GALNT9: variants seen among roughly 807,000 people sequenced by gnomAD.
The protein encoded by GALNT9 is polypeptide N-acetylgalactosaminyltransferase 9.
In GALNT9, 47 loss-of-function variants were observed where a neutral mutation model predicts 63.1. That is an observed-to-expected ratio of 0.75 (90% CI 0.59 to 0.95). The LOEUF is 0.95. Ranked by LOEUF, GALNT9 falls within the 40% of genes least tolerant of loss-of-function variation. The pLI is 0.00. For missense variants in GALNT9, 829 were observed against 874.8 expected, an observed-to-expected ratio of 0.95 and a Z score of 0.66; for synonymous variants, 396 against 365.7, an observed-to-expected ratio of 1.08 and a Z score of -0.94.
rs1357146061 is a variant in GALNT9 at position 132,262,612 on chromosome 12, T to C, written c.433A>G (p.Ser145Gly). 8 of 1,547,104 alleles carry C rather than the reference T, an allele frequency of 5.2e-6. No homozygotes were observed. The highest frequency in any genetic ancestry group is 7.0e-6 in the Non-Finnish European group (8 of 1,145,864). Residue 145 changes from serine (S) to glycine (G), a missense_variant, in exon 3 of 11, where the codon AGC becomes GGC. Physicochemically the swap from Ser to Gly is moderately conservative, Grantham distance 56 (BLOSUM62 0). Transcript: ENST00000328957. ...ACCTGGGGCAGGTCCTGGGCGTAGC[T>C]CATCTGTCTGCACCTGCAGGAAACA... ...DYRPRKCRQM[S>G]YAQDLPQVSV... is the part of the protein sequence containing the mutation.
chr12:132,199,233 G>A lies in GALNT9; in HGVS notation c.1438C>T (p.Gln480Ter). ...NSKASAYCLD[Q>*]GAEDGDRAIL... Reference sequence around the variant, plus strand: ...GCCCGGTCGCCGTCCTCCGCTCCCTGGTCCAGACAGTAGGCACTGGCTTTG... The same window carrying A: ...GCCCGGTCGCCGTCCTCCGCTCCCTAGTCCAGACAGTAGGCACTGGCTTTG... Residue 480 changes from glutamine (Q) to a stop codon, truncating the protein, a stop_gained, in exon 9 of 11, where the codon CAG (glutamine) becomes TAG (stop). Transcript: ENST00000328957. LOFTEE classifies it high-confidence loss of function. 1.2e-6 allele frequency: 2 copies of A among 1,605,114 alleles called. No homozygotes were observed. The highest frequency in any genetic ancestry group is 1.7e-6 in the Non-Finnish European group (2 of 1,179,532).
At chr12:132,257,291 G>A (rs1566001786) in intron 5 of GALNT9, among the ~76,000 whole-genome samples, 1 of 152,150 alleles carries the variant, frequency 6.6e-6, no homozygotes, top group Non-Finnish European at 1.5e-5. Context: ...TGAGGGCTGC[G>A]TCTGCATCTC....
At chr12:132,261,461 G>A (rs1221014927) in intron 3 of GALNT9, among the ~76,000 whole-genome samples, 2 of 152,218 alleles carry the variant, frequency 1.3e-5, no homozygotes, top group African/African-American at 2.4e-5. Context: ...ACACACAAAC[G>A]TGGCCTTCCA....
chr12:132,217,536 CCATT>C (rs1384708822), intron 6 of GALNT9, among the ~76,000 whole-genome samples: 1 of 150,388 alleles, frequency 6.6e-6, no homozygotes, highest in East Asian at 2.0e-4. Context: ...AACCAGCCAA[CCATT>C]CATCCATCCA....
At chr12:132,321,255 G>GAGGCCCCTGTGGGTCCAGAATCA (rs1868783061) in intron 1 of GALNT9, among the ~76,000 whole-genome samples, 1 of 118,750 alleles carries the variant, frequency 8.4e-6, no homozygotes, top group Non-Finnish European at 1.8e-5. Flanking sequence ...GTCCGGAGTC[G>GAGGCCCCTGTGGGTCCAGAATCA]AGGCCCCTGT....
chr12:132,269,734 C>A (rs1040545915), intron 2 of GALNT9, among the ~76,000 whole-genome samples: 1 of 152,328 alleles, frequency 6.6e-6, no homozygotes, highest in Admixed American at 6.5e-5. Context: ...AGGTCTCAGA[C>A]GCGTGGGGCC....
intron 1 of GALNT9, among the ~76,000 whole-genome samples, chr12:132,291,039 G>A (rs1272171415): frequency 6.8e-5 from 4 of 58,820 alleles, no homozygotes; most frequent in Admixed American, 4.4e-4. Context: ...CAGCGCCCAC[G>A]TCCACAGCGC....
At chr12:132,281,756 A>C (rs1880352426) in intron 2 of GALNT9, among the ~76,000 whole-genome samples, 1 of 151,998 alleles carries the variant, frequency 6.6e-6, no homozygotes, top group South Asian at 2.1e-4. Flanking sequence ...CCTCAAAAGG[A>C]GAGCAAGAGC....
intron 6 of GALNT9, among the ~76,000 whole-genome samples, chr12:132,235,046 C>T (rs1186790539): frequency 1.9e-5 from 1 of 53,684 alleles, no homozygotes; most frequent in African/African-American, 1.4e-4. Context: ...GTCCCTGGTG[C>T]CACACACTCG....
intron 2 of GALNT9, among the ~76,000 whole-genome samples, chr12:132,270,520 G>A (rs1000772171): frequency 2.0e-5 from 3 of 152,250 alleles, no homozygotes; most frequent in Non-Finnish European, 1.5e-5. Flanking sequence ...GTTAGCTCTT[G>A]CGTACATAAT....
At chr12:132,295,691 C>T (rs1386408346) in intron 1 of GALNT9, among the ~76,000 whole-genome samples, 3 of 152,226 alleles carry the variant, frequency 2.0e-5, no homozygotes, top group Non-Finnish European at 4.4e-5. Context: ...GGAGCGTGGC[C>T]CAGCCAGCAC....
chr12:132,308,589 G>A lies in GALNT9; in HGVS notation c.238+20377C>T, dbSNP rs74577940. On this transcript the variant is annotated intron_variant, in intron 1 of 10. Transcript: ENST00000328957. ...CAGGGTGGGCCGGGGAGGTAAGGTG[G>A]GGTGGGAGGGACCCTCGACCGCCAG... Among the ~76,000 whole-genome samples the A allele has an allele frequency of 3.2e-3, 491 of 152,312 alleles. 2 individuals are homozygous for A. Among genetic ancestry groups the A allele is most frequent in the African/African-American group, 0.011 (467 of 41,574 alleles).
At chr12:132,321,987 G>A (rs1868824724) in intron 1 of GALNT9, among the ~76,000 whole-genome samples, 1 of 147,356 alleles carries the variant, frequency 6.8e-6, no homozygotes, top group African/African-American at 2.5e-5. Context: ...GGCCCCCAAG[G>A]GGCGTCCTCC....
At chr12:132,324,013 A>G (rs771355282) in intron 1 of GALNT9, among the ~76,000 whole-genome samples, 1 of 152,240 alleles carries the variant, frequency 6.6e-6, no homozygotes, top group Non-Finnish European at 1.5e-5. Context: ...GGTAGAGACG[A>G]TGAACTCAAG....
rs2136896844 is a variant in GALNT9 at position 132,239,347 on chromosome 12, GAGTCAGAGAC to G, written c.1077+8553_1077+8562del. On this transcript the variant is annotated intron_variant, in intron 6 of 10. Coordinates refer to ENST00000328957, the MANE Select transcript of GALNT9 (RefSeq NM_001122636.2). ...AGAGAGAGAGACAGAGTCAGAGACA[GAGTCAGAGAC>G]AGAGAGAGAGACACACAGAGACAGA... 2.8e-3 allele frequency among the ~76,000 whole-genome samples: 423 copies of G among 149,996 alleles called. 6 individuals carry two copies. The highest frequency in any genetic ancestry group is 6.9e-3 in the Middle Eastern group (2 of 288).
intron 6 of GALNT9, among the ~76,000 whole-genome samples, chr12:132,230,488 G>C (rs1396927170): frequency 6.6e-6 from 1 of 152,228 alleles, no homozygotes; most frequent in Non-Finnish European, 1.5e-5. Flanking sequence ...CATAACCCAC[G>C]CGGGCTGGGG....
chr12:132,198,688 G>C (rs906931666), intron 9 of GALNT9, among the ~76,000 whole-genome samples: 2 of 152,114 alleles, frequency 1.3e-5, no homozygotes, highest in Non-Finnish European at 2.9e-5. Context: ...ATACGGTCTC[G>C]CTCTGTTGCC....
In GALNT9 at chr12:132,203,483, T is replaced by G. The variant is rs757176460; in HGVS notation, c.1263+22A>C. 9.3e-6 allele frequency: 15 copies of G among 1,611,908 alleles called. No homozygotes were observed. In the Admixed American group the frequency reaches 1.0e-4, roughly 11 times the overall value. ...CCCGACCCTGGGGCATGGCCCCGGCTCCCGGCCTGTGGGGGACTCACCGAC... is the reference window on the plus strand; with the variant it reads ...CCCGACCCTGGGGCATGGCCCCGGCGCCCGGCCTGTGGGGGACTCACCGAC... On this transcript the variant is annotated intron_variant, in intron 7 of 10. Transcript: ENST00000328957.
chr12:132,229,774 CG>C (rs1877825644), intron 6 of GALNT9, among the ~76,000 whole-genome samples: 1 of 152,218 alleles, frequency 6.6e-6, no homozygotes, highest in Admixed American at 6.5e-5. Context: ...GTGCCAGTTA[CG>C]GGGTTCAGGG....
Sources: allele counts gnomAD v4.1 joint callset (sites outside exome capture counted in the v4.1 genomes callset), GRCh38; gene constraint gnomAD v4.1.1; transcripts MANE v1.5; gene names NCBI Gene and HGNC (gene_info 2026-07-23, HGNC 2026-07-21).